Variants in GPA33 observed in about 807,000 individuals in gnomAD.
GPA33 encodes cell surface A33 antigen.
Under a neutral mutation model 35.6 loss-of-function variants are expected in GPA33, and 27 were observed. That is an observed-to-expected ratio of 0.76 (90% CI 0.56 to 1.04). The LOEUF (loss-of-function observed/expected upper bound fraction) is 1.04, where lower values mean the gene tolerates loss of function less well. Among genes scored for constraint, GPA33 ranks in the 50% least tolerant of loss-of-function variants. GPA33 has a pLI of 0.00. For synonymous variants in GPA33, 176 were observed against 164.0 expected (o/e 1.07, Z -0.56); for missense variants, 428 against 411.9 (o/e 1.04, Z -0.34).
chr1:167,054,321 T>G lies in GPA33; in HGVS notation c.*13A>C. ...CCCTAACCCTTCCTCCGCCGCCCTC[T>G]GCTGCTGGCCTGTCACTGGTCGAGG... On this transcript the variant is annotated 3_prime_UTR_variant, in exon 7 of 7. Transcript: ENST00000367868. 1 of 1,613,890 alleles carries G rather than the reference T, an allele frequency of 6.2e-7. No homozygotes were observed. Among genetic ancestry groups the G allele is most frequent in the South Asian group, 1.1e-5 (1 of 91,072 alleles).
intron 2 of GPA33, among the ~76,000 whole-genome samples, chr1:167,069,396 AT>A (rs1313132557): frequency 1.2e-4 from 18 of 152,206 alleles, no homozygotes; most frequent in African/African-American, 4.3e-4. Flanking sequence ...ATGTGGGTGA[AT>A]GGGTCCATCT....
intron 1 of GPA33, among the ~76,000 whole-genome samples, chr1:167,077,339 T>C (rs1342913544): frequency 9.2e-5 from 14 of 152,214 alleles, no homozygotes; most frequent in Admixed American, 9.2e-4. Context: ...ACAGCCCATC[T>C]AGATATCATT....
At chr1:167,056,766 T>A (rs1571302448) in intron 4 of GPA33, among the ~76,000 whole-genome samples, 1 of 136,496 alleles carries the variant, frequency 7.3e-6, no homozygotes, top group African/African-American at 2.8e-5. Context: ...GGCGTGTGTG[T>A]GGTGTGTGTG....
At chr1:167,084,856 G>T (rs778511904) in intron 1 of GPA33, among the ~76,000 whole-genome samples, 3 of 152,208 alleles carry the variant, frequency 2.0e-5, no homozygotes, top group East Asian at 3.8e-4. Context: ...GTCACTAAAT[G>T]TTGGAGTGGT....
chr1:167,062,298 C>T (rs1366986367), intron 4 of GPA33, among the ~76,000 whole-genome samples: 1 of 151,986 alleles, frequency 6.6e-6, no homozygotes, highest in African/African-American at 2.4e-5. Flanking sequence ...TCACTGCAGC[C>T]TCGACCTCCA....
Position 167,054,266 on chromosome 1 carries a change from G to A in GPA33, c.*68C>T. 6.3e-7 allele frequency: 1 copy of A among 1,584,946 alleles called. No homozygotes were observed. On this transcript the variant is annotated 3_prime_UTR_variant, in exon 7 of 7. Transcript: ENST00000367868. ...ACAGGAGAACAGGGCTTAGAAAGGAGAAGGGAGGCCAGGAAGCGGGAGAAT... is the reference window on the plus strand; with the variant it reads ...ACAGGAGAACAGGGCTTAGAAAGGAAAAGGGAGGCCAGGAAGCGGGAGAAT...
intron 1 of GPA33, among the ~76,000 whole-genome samples, chr1:167,089,841 C>T: frequency 6.6e-6 from 1 of 152,038 alleles, no homozygotes; most frequent in East Asian, 1.9e-4. Flanking sequence ...AGTTTCCTGT[C>T]TCTTTCTCTG....
At chr1:167,087,687 C>A (rs941102919) in intron 1 of GPA33, among the ~76,000 whole-genome samples, 5 of 152,012 alleles carry the variant, frequency 3.3e-5, no homozygotes, top group Non-Finnish European at 7.4e-5. Context: ...GAGGCTGAGG[C>A]GGGCTTATTG....
chr1:167,081,041 A>C (rs988220075), intron 1 of GPA33, among the ~76,000 whole-genome samples: 1 of 152,172 alleles, frequency 6.6e-6, no homozygotes, highest in African/African-American at 2.4e-5. Flanking sequence ...GAAATGGGAG[A>C]GGTCATTTCC....
chr1:167,066,000 G>A (rs899248203), intron 3 of GPA33, among the ~76,000 whole-genome samples: 1 of 152,190 alleles, frequency 6.6e-6, no homozygotes, highest in African/African-American at 2.4e-5. Flanking sequence ...CCTAGGATGG[G>A]CTTGCTGAGC....
At chr1:167,087,932 A>ACACACACACACACACACACAC (rs374217623) in intron 1 of GPA33, among the ~76,000 whole-genome samples, 1 of 151,786 alleles carries the variant, frequency 6.6e-6, no homozygotes, top group African/African-American at 2.4e-5. Context: ...ACACACACAC[A>ACACACACACACACACACACAC]AAGCAGACCA....
chr1:167,075,547 G>T (rs576387452), intron 1 of GPA33, among the ~76,000 whole-genome samples: 1 of 152,180 alleles, frequency 6.6e-6, no homozygotes. Flanking sequence ...GTTTCAGGGG[G>T]CAGATCAGGA....
At chr1:167,076,912 A>C (rs970214353) in intron 1 of GPA33, among the ~76,000 whole-genome samples, 1 of 152,186 alleles carries the variant, frequency 6.6e-6, no homozygotes, top group African/African-American at 2.4e-5. Context: ...CGTCTATCAG[A>C]AAACATTTGC....
Position 167,090,290 on chromosome 1 carries a change from T to A in GPA33, c.-3A>T. On this transcript the variant is annotated 5_prime_UTR_variant, in exon 1 of 7. Transcript: ENST00000367868. ...ACAGGCCACATCTTCCCCACCATGG[T>A]CTTGCTTCTTCTCTGCCCTAAACCT... 1 of 1,613,156 alleles carries A rather than the reference T, an allele frequency of 6.2e-7. No homozygotes were observed. Among genetic ancestry groups the A allele is most frequent in the Non-Finnish European group, 8.5e-7 (1 of 1,179,130 alleles).
chr1:167,057,053 T>TG (rs1257146803), intron 4 of GPA33, among the ~76,000 whole-genome samples: 1 of 150,206 alleles, frequency 6.7e-6, no homozygotes, highest in African/African-American at 2.5e-5. Context: ...GTGTGTGGTA[T>TG]GGGGGGTGGT....
chr1:167,070,091 A>G, intron 2 of GPA33, among the ~76,000 whole-genome samples: 1 of 152,218 alleles, frequency 6.6e-6, no homozygotes. Context: ...AATCCTAAAA[A>G]CAACTAAGAA....
At chr1:167,064,318 A>C (rs1218502653) in intron 3 of GPA33, among the ~76,000 whole-genome samples, 1 of 151,390 alleles carries the variant, frequency 6.6e-6, no homozygotes, top group Non-Finnish European at 1.5e-5. Flanking sequence ...AGAAAAAGAA[A>C]GAAAGAAAGA....
chr1:167,081,780 C>T (rs1666954784), intron 1 of GPA33, among the ~76,000 whole-genome samples: 1 of 152,226 alleles, frequency 6.6e-6, no homozygotes, highest in Non-Finnish European at 1.5e-5. Flanking sequence ...CTTCCCTCAA[C>T]AGATGGCAGG....
At chr1:167,061,294 G>A (rs926334827) in intron 4 of GPA33, among the ~76,000 whole-genome samples, 2 of 152,158 alleles carry the variant, frequency 1.3e-5, no homozygotes, top group African/African-American at 4.8e-5. Flanking sequence ...TCTGCCACCT[G>A]TAACCTTCAG....
Sources: allele counts gnomAD v4.1 joint callset (sites outside exome capture counted in the v4.1 genomes callset), GRCh38; gene constraint gnomAD v4.1.1; transcripts MANE v1.5; gene names NCBI Gene and HGNC (gene_info 2026-07-23, HGNC 2026-07-21).